SUPV3L1: variants seen among roughly 807,000 people sequenced by gnomAD.
The protein encoded by SUPV3L1 is Suv3 like RNA helicase.
A neutral mutation model predicts 70.0 loss-of-function variants in SUPV3L1; 35 were observed. The ratio of observed to expected loss-of-function variants is 0.50; its 90% confidence interval spans 0.38 to 0.66. SUPV3L1 has a LOEUF of 0.66. Among genes scored for constraint, SUPV3L1 ranks in the 30% least tolerant of loss-of-function variants. SUPV3L1 has a pLI of 0.00. For synonymous variants in SUPV3L1, 364 were observed against 341.9 expected (o/e 1.06, Z -0.71); for missense variants, 777 against 961.5 (o/e 0.81, Z 2.54).
rs748585973 is a variant in SUPV3L1, at chr10:69,202,973, G to A, written c.1706G>A (p.Arg569Gln). ...ELIQHIPLSL[R>Q]VRYVFCTAPI... Reference sequence around the variant, plus strand: ...ATCCAGCATATTCCACTAAGTCTGCGAGTGAGGTATGTTTTCTGCACAGCT... The same window carrying A: ...ATCCAGCATATTCCACTAAGTCTGCAAGTGAGGTATGTTTTCTGCACAGCT... The change falls in exon 13 of 15, where the codon CGA becomes CAA. Residue 569 changes from arginine (R) to glutamine (Q), a missense_variant. Arg to Gln is a conservative substitution (Grantham distance 43). Around this residue, in one of 2 missense-constraint regions of SUPV3L1, gnomAD observed 619 missense variants for 823.3 expected, o/e 0.75. Transcript: ENST00000359655. The A allele has an allele frequency of 1.1e-5, 17 of 1,613,992 alleles. No homozygotes were observed. The highest frequency in any genetic ancestry group is 3.3e-5 in the Admixed American group (2 of 59,998).
At chr10:69,186,308 T>G (rs1177541758) in intron 2 of SUPV3L1, 135 bp from the exon 3 acceptor site, 54 of 563,926 alleles carry the variant, frequency 9.6e-5, no homozygotes, top group Non-Finnish European at 1.4e-4. Context: ...CAGATCATAA[T>G]AAACCAGCTG....
chr10:69,184,251 A>G lies in SUPV3L1; in HGVS notation c.272-1736A>G, dbSNP rs369329651. 2.6e-5 allele frequency among the ~76,000 whole-genome samples: 4 copies of G among 152,094 alleles called. No individual in the cohort carries two copies. The South Asian group carries it at 6.2e-4, about 24-fold the overall frequency. On this transcript the variant is annotated intron_variant, in intron 1 of 14. Transcript: ENST00000359655. ...CCTTGATACCAAGAAACTGTTGGCC[A>G]GGTGCAGTGGCTCACGCCTGTAATC...
intron 1 of SUPV3L1, chr10:69,182,771 C>T: frequency 1.3e-6 from 1 of 758,546 alleles, no homozygotes; most frequent in Non-Finnish European, 1.6e-6. Flanking sequence ...CTGATATAGC[C>T]ATGTGGTTAA....
intron 1 of SUPV3L1, 50 bp from the exon 2 acceptor site, chr10:69,185,937 A>G: frequency 7.0e-7 from 1 of 1,421,110 alleles, no homozygotes; most frequent in Non-Finnish European, 9.9e-7. Flanking sequence ...GCTTTTTTTC[A>G]GCATTTATCT....
intron 2 of SUPV3L1, 98 bp from the exon 3 acceptor site, chr10:69,186,345 G>GGA: frequency 1.8e-6 from 1 of 549,918 alleles, no homozygotes; most frequent in Non-Finnish European, 3.1e-6. Context: ...AAAAAAAAAA[G>GGA]AAAAAAAAAG....
intron 1 of SUPV3L1, chr10:69,182,419 C>G: frequency 2.8e-6 from 2 of 707,954 alleles, no homozygotes; most frequent in Non-Finnish European, 3.5e-6. Context: ...CATTAAAGAA[C>G]AATTTTCCAT....
intron 13 of SUPV3L1, among the ~76,000 whole-genome samples, chr10:69,204,844 G>A (rs1028135266): frequency 6.6e-6 from 1 of 151,518 alleles, no homozygotes; most frequent in African/African-American, 2.4e-5. Flanking sequence ...TGTCATCTCA[G>A]CTCACTGCAA....
chr10:69,202,351 G>A (rs1440061953), intron 11 of SUPV3L1, 88 bp from the exon 12 acceptor site: 1 of 1,080,468 alleles, frequency 9.3e-7, no homozygotes, highest in African/African-American at 1.6e-5. Context: ...TAGCCTGAAT[G>A]GGACTTTATC....
At position 69,208,036 on chromosome 10, in the gene SUPV3L1, T is replaced by C. The variant is rs1301292579; in HGVS notation, c.1925+95T>C. ...TTTTCTATTTCAAATTATGGACATA[T>C]TTGCAAGATGCTCTATATTATGTCT... is the stretch of plus-strand genomic sequence containing the variant. On this transcript the variant is annotated intron_variant, in intron 14 of 14. Transcript: ENST00000359655. 4.9e-6 allele frequency: 7 copies of C among 1,432,344 alleles called. 1 individual carries two copies. The highest frequency in any genetic ancestry group is 1.9e-4 in the Middle Eastern group (1 of 5,288). 88.7% of individuals were successfully genotyped at this position (1,432,344 alleles called of 1,614,324 possible). A position where few individuals can be genotyped will look rare whatever the true frequency, so the allele number is the denominator to read the frequency against.
chr10:69,202,500 C>G lies in SUPV3L1; in HGVS notation c.1580C>G (p.Ala527Gly), dbSNP rs1362639109. The G allele has an allele frequency of 1.2e-6, 2 of 1,613,392 alleles. No individual in the cohort carries two copies. Among genetic ancestry groups the G allele is most frequent in the Non-Finnish European group, 1.7e-6 (2 of 1,179,514 alleles). ...ATGTTTGCCTACCATCTCCCTGATG[C>G]AACACTGTCCAATCTCATTGTAAGT... ...IEMFAYHLPD[A>G]TLSNLIDIFV... The change falls in exon 12 of 15, where the codon GCA becomes GGA. Residue 527 changes from alanine (A) to glycine (G), a missense_variant. Transcript: ENST00000359655.
intron 13 of SUPV3L1, among the ~76,000 whole-genome samples, 168 bp from the exon 14 acceptor site, chr10:69,207,625 A>G (rs1218924981): frequency 6.6e-6 from 1 of 152,154 alleles, no homozygotes. Context: ...CTTATAAAGT[A>G]TTAAATGTTC....
At position 69,202,910 on chromosome 10, in the gene SUPV3L1, T is replaced by C. The variant is rs1842723186; in HGVS notation, c.1643T>C (p.Val548Ala). The change falls in exon 13 of 15, where the codon GTC (valine) becomes GCC (alanine). Residue 548 changes from valine to alanine, a missense_variant. Val to Ala is a moderately conservative substitution (Grantham distance 64). Around this residue, in one of 2 missense-constraint regions of SUPV3L1, gnomAD observed 619 missense variants for 823.3 expected, o/e 0.75. Coordinates refer to ENST00000359655, the MANE Select transcript of SUPV3L1 (RefSeq NM_003171.5). ...DFSQVDGQYF[V>A]CNMDDFKFSA... Reference sequence around the variant, plus strand: ...TCACAAGTTGATGGGCAGTATTTTGTCTGCAATATGGATGATTTTAAATTT... The same window carrying C: ...TCACAAGTTGATGGGCAGTATTTTGCCTGCAATATGGATGATTTTAAATTT... 6.2e-7 allele frequency: 1 copy of C among 1,613,556 alleles called. No individual in the cohort carries two copies.
At chr10:69,186,153 C>A in intron 2 of SUPV3L1, 89 bp downstream of exon 2, 1 of 1,158,028 alleles carries the variant, frequency 8.6e-7, no homozygotes, top group Admixed American at 2.1e-5. Flanking sequence ...TGTGACCTGG[C>A]TGTTGTAGTC....
rs765296959 is a variant in SUPV3L1 at position 69,209,008 on chromosome 10, A to C, written c.2334A>C (p.Arg778Ser). The C allele has an allele frequency of 6.4e-7, 1 of 1,567,636 alleles. No individual in the cohort carries two copies. ...GGACTCATCCAAAAGGGACGAGAAG[A>C]AAGAAGAAGGAACCTGATTCGGACT... ...ESGTHPKGTR[R>S]KKKEPDSD Residue 778 changes from arginine to serine, a missense_variant, in exon 15 of 15, where the codon AGA becomes AGC. Around this residue, in one of 2 missense-constraint regions of SUPV3L1, gnomAD observed 619 missense variants for 823.3 expected, o/e 0.75. Coordinates refer to ENST00000359655, the MANE Select transcript of SUPV3L1 (RefSeq NM_003171.5).
intron 1 of SUPV3L1, chr10:69,182,767 T>C: frequency 2.6e-6 from 2 of 771,518 alleles, no homozygotes; most frequent in East Asian, 1.3e-4. Context: ...CACTCTGATA[T>C]AGCCATGTGG....
chr10:69,184,616 TACACACACACACACAC>T (rs59328806), intron 1 of SUPV3L1, among the ~76,000 whole-genome samples: 1 of 146,062 alleles, frequency 6.8e-6, no homozygotes, highest in Non-Finnish European at 1.5e-5. Context: ...GAAATATAAA[TACACACACACACACAC>T]ACACACACAC....
chr10:69,189,256 T>C lies in SUPV3L1; in HGVS notation c.573-11T>C, dbSNP rs1842320481. The C allele has an allele frequency of 6.2e-7, 1 of 1,610,642 alleles. No homozygotes were observed. Among genetic ancestry groups the C allele is most frequent in the Non-Finnish European group, 8.5e-7 (1 of 1,178,228 alleles). On this transcript the variant is annotated splice_polypyrimidine_tract_variant and intron_variant, in intron 4 of 14. Coordinates refer to ENST00000359655, the MANE Select transcript of SUPV3L1 (RefSeq NM_003171.5). The stretch of plus-strand genomic sequence containing the variant: ...TTAATGGATTAAGCTGTTTACCTAC[T>C]CATGTTTTAGGTACCCAGATGCTAG...
At chr10:69,187,821 ATT>A in intron 4 of SUPV3L1, 65 bp downstream of exon 4, 1 of 1,022,032 alleles carries the variant, frequency 9.8e-7, no homozygotes, top group South Asian at 1.6e-5. Flanking sequence ...CGTGGTCATT[ATT>A]TTTTTTTATT....
intron 3 of SUPV3L1, 40 bp from the exon 4 acceptor site, chr10:69,187,602 A>T: frequency 2.9e-6 from 4 of 1,380,990 alleles, no homozygotes; most frequent in Non-Finnish European, 4.0e-6. Context: ...TACGAATTTT[A>T]TGTAGATTGC....
Sources: allele counts gnomAD v4.1 joint callset (sites outside exome capture counted in the v4.1 genomes callset), GRCh38; gene constraint gnomAD v4.1.1; regional missense constraint gnomAD v4.1.1; transcripts MANE v1.5; gene names NCBI Gene and HGNC (gene_info 2026-07-23, HGNC 2026-07-21).